The following CCBE1 variants were observed in gnomAD, a reference collection of about 807,000 sequenced individuals.
CCBE1 encodes collagen and calcium-binding EGF domain-containing protein 1.
In CCBE1, 37 loss-of-function variants were observed where a neutral mutation model predicts 50.0. That is an observed-to-expected ratio of 0.74 (90% confidence interval 0.57 to 0.97). The LOEUF (loss-of-function observed/expected upper bound fraction) is 0.97, where lower values mean the gene tolerates loss of function less well. Ranked by LOEUF, CCBE1 falls within the 50% of genes least tolerant of loss-of-function variation. The pLI, the probability that CCBE1 is intolerant of heterozygous loss-of-function variation, is 0.00. For synonymous variants in CCBE1, 234 were observed against 203.7 expected, an observed-to-expected ratio of 1.15 and a Z score of -1.27; for missense variants, 538 against 523.8, an observed-to-expected ratio of 1.03 and a Z score of -0.26.
At chr18:59,491,381 T>C (rs1008121886) in intron 2 of CCBE1, among the ~76,000 whole-genome samples, 1 of 152,230 alleles carries the variant, frequency 6.6e-6, no homozygotes, top group Non-Finnish European at 1.5e-5. Flanking sequence ...ACCTTACTGT[T>C]CATGGCTCCC....
chr18:59,641,421 GAAC>G (rs1353241001), intron 2 of CCBE1, among the ~76,000 whole-genome samples: 1 of 152,104 alleles, frequency 6.6e-6, no homozygotes, highest in East Asian at 1.9e-4. Flanking sequence ...ACAAATAAGG[GAAC>G]AACAGACTCT....
At position 59,454,844 on chromosome 18, in the gene CCBE1, C is replaced by T. The variant is rs768715340; in HGVS notation, c.654+7G>A. Reference sequence around the variant, plus strand: ...GGCATCATCGTTCCCACCCCAGCGGCACGTACCTTTTGCTTCAGCTGCAGC... The same window carrying T: ...GGCATCATCGTTCCCACCCCAGCGGTACGTACCTTTTGCTTCAGCTGCAGC... On this transcript the variant is annotated splice_region_variant and intron_variant, in intron 6 of 10. Transcript: ENST00000439986. 6.2e-7 allele frequency: 1 copy of T among 1,612,660 alleles called. No individual in the cohort carries two copies. Among genetic ancestry groups the T allele is most frequent in the South Asian group, 1.1e-5 (1 of 91,064 alleles).
chr18:59,503,450 A>G (rs1913723171), intron 2 of CCBE1, among the ~76,000 whole-genome samples: 3 of 152,194 alleles, frequency 2.0e-5, no homozygotes, highest in Admixed American at 2.0e-4. Flanking sequence ...CAGGGTTGAA[A>G]TTGGAGGCCA....
intron 2 of CCBE1, among the ~76,000 whole-genome samples, chr18:59,606,405 C>T (rs756938209): frequency 1.3e-5 from 2 of 152,192 alleles, no homozygotes; most frequent in Non-Finnish European, 2.9e-5. Context: ...CACTTTCCCC[C>T]AACTTTTGTT....
At chr18:59,534,904 A>G (rs1356481087) in intron 2 of CCBE1, among the ~76,000 whole-genome samples, 2 of 152,258 alleles carry the variant, frequency 1.3e-5, no homozygotes, top group Non-Finnish European at 2.9e-5. Flanking sequence ...TAATGGTGCC[A>G]AGGCTTAGAA....
intron 2 of CCBE1, among the ~76,000 whole-genome samples, chr18:59,522,115 GCTTAA>G (rs1175080480): frequency 1.5e-5 from 2 of 135,150 alleles, no homozygotes; most frequent in Non-Finnish European, 3.3e-5. Context: ...ACAAACCATG[GCTTAA>G]CTTTTCTTTT....
chr18:59,589,082 A>G (rs1309908740), intron 2 of CCBE1, among the ~76,000 whole-genome samples: 1 of 152,186 alleles, frequency 6.6e-6, no homozygotes, highest in Non-Finnish European at 1.5e-5. Flanking sequence ...AAGCACAGCC[A>G]TGCCCTTCCA....
At chr18:59,438,389 A>G (rs1184995869) in intron 9 of CCBE1, among the ~76,000 whole-genome samples, 2 of 152,238 alleles carry the variant, frequency 1.3e-5, no homozygotes, top group Non-Finnish European at 2.9e-5. Context: ...TGGCAAGAGG[A>G]ATGTTCATAT....
intron 2 of CCBE1, among the ~76,000 whole-genome samples, chr18:59,481,573 A>G: frequency 6.6e-6 from 1 of 152,190 alleles, no homozygotes; most frequent in East Asian, 1.9e-4. Flanking sequence ...GAAAGCAGAG[A>G]AAAATTACAC....
At chr18:59,437,943 C>A (rs1910233255) in intron 10 of CCBE1, among the ~76,000 whole-genome samples, 168 bp downstream of exon 10, 1 of 152,202 alleles carries the variant, frequency 6.6e-6, no homozygotes, top group Non-Finnish European at 1.5e-5. Flanking sequence ...TCCAAACTAG[C>A]AGCTAAGGGC....
At chr18:59,689,734 G>A (rs1410198610) in intron 2 of CCBE1, among the ~76,000 whole-genome samples, 3 of 152,184 alleles carry the variant, frequency 2.0e-5, no homozygotes, top group African/African-American at 7.2e-5. Flanking sequence ...TGTCCCTAGT[G>A]GGGCAACTCT....
rs575845425 is a variant in CCBE1 at position 59,440,118 on chromosome 18, G to T, written c.776-302C>A. Among the ~76,000 whole-genome samples the T allele has an allele frequency of 5.3e-5, 8 of 152,270 alleles. No homozygotes were observed. The South Asian group carries it at 1.0e-3, about 20-fold the overall frequency. On this transcript the variant is annotated intron_variant, in intron 7 of 10. Coordinates refer to ENST00000439986, the MANE Select transcript of CCBE1 (RefSeq NM_133459.4). Reference sequence around the variant, plus strand: ...CTTTTTGAATCAGTGGCCAGCTCCTGTGCATTTTACCTCTTTAACATCTCA... The same window carrying T: ...CTTTTTGAATCAGTGGCCAGCTCCTTTGCATTTTACCTCTTTAACATCTCA...
chr18:59,491,827 C>CAAATAAACAAACAAAT (rs1555683266), intron 2 of CCBE1, among the ~76,000 whole-genome samples: 1 of 133,340 alleles, frequency 7.5e-6, no homozygotes, highest in African/African-American at 2.6e-5. Flanking sequence ...AACAAACAAA[C>CAAATAAACAAACAAAT]AAACAAACAA....
chr18:59,543,848 A>AC (rs1477983505), intron 2 of CCBE1, among the ~76,000 whole-genome samples: 3 of 134,150 alleles, frequency 2.2e-5, no homozygotes, highest in Admixed American at 7.4e-5. Flanking sequence ...AAAAAAAAAA[A>AC]AAAAAAAAAA....
At chr18:59,545,578 C>G (rs558316257) in intron 2 of CCBE1, among the ~76,000 whole-genome samples, 3 of 152,246 alleles carry the variant, frequency 2.0e-5, no homozygotes, top group African/African-American at 7.2e-5. Context: ...CTTTCATGTT[C>G]TAGTTTATTG....
At chr18:59,577,816 A>G (rs1051560757) in intron 2 of CCBE1, among the ~76,000 whole-genome samples, 1 of 152,204 alleles carries the variant, frequency 6.6e-6, no homozygotes, top group Non-Finnish European at 1.5e-5. Flanking sequence ...TAGCTTCAAT[A>G]GAAGATGCCT....
chr18:59,438,009 A>G, intron 10 of CCBE1, 102 bp downstream of exon 10: 1 of 1,101,020 alleles, frequency 9.1e-7, no homozygotes, highest in South Asian at 1.3e-5. Context: ...GAGTGGCATC[A>G]GGAAGGGGCG....
intron 2 of CCBE1, among the ~76,000 whole-genome samples, chr18:59,695,595 G>A (rs563620874): frequency 4.6e-5 from 7 of 152,278 alleles, no homozygotes; most frequent in African/African-American, 1.7e-4. Context: ...GAACCACTTG[G>A]TCTGAACCTT....
intron 2 of CCBE1, among the ~76,000 whole-genome samples, chr18:59,620,084 GA>G (rs1568237633): frequency 2.0e-5 from 3 of 152,154 alleles, no homozygotes; most frequent in African/African-American, 7.2e-5. Flanking sequence ...GTTGGGAAGG[GA>G]AGAGGAGGGA....
Sources: gnomAD v4.1 joint callset for allele counts (sites outside exome capture counted in the v4.1 genomes callset) on GRCh38, gnomAD v4.1.1 for gene constraint, MANE v1.5 for transcripts, NCBI Gene and HGNC (gene_info 2026-07-23, HGNC 2026-07-21) for gene names.